Variants in ATP5PB observed in about 807,000 individuals in gnomAD.
ATP5PB encodes ATP synthase peripheral stalk subunit b, mitochondrial.
Under a neutral mutation model 34.5 loss-of-function variants are expected in ATP5PB, and 21 were observed. That is an observed-to-expected ratio of 0.61 (90% CI 0.43 to 0.88). The LOEUF (loss-of-function observed/expected upper bound fraction) is 0.88. Ranked by LOEUF, ATP5PB falls within the 40% of genes least tolerant of loss-of-function variation. The pLI, the probability that ATP5PB is intolerant of heterozygous loss-of-function variation, is 0.00. For synonymous variants in ATP5PB, 108 were observed against 114.1 expected (o/e 0.95, Z 0.34); for missense variants, 293 against 317.4 (o/e 0.92, Z 0.58).
chr1:111,460,949 C>T lies in ATP5PB; in HGVS notation c.726C>T (p.Asp242=). 1.9e-6 allele frequency: 3 copies of T among 1,613,188 alleles called. No individual in the cohort carries two copies. The East Asian group carries it at 6.7e-5, about 36-fold the overall frequency. Residue 242 remains aspartate, a synonymous_variant, in exon 7 of 7, where the codon GAC becomes GAT. Transcript: ENST00000369722. The part of the protein sequence containing the change: ...EKETIAKCIA[D]LKLLAKKAQA... ...AGACAATTGCCAAGTGCATTGCGGA[C>T]CTAAAGCTGCTGGCAAAGAAGGCTC...
At chr1:111,454,392 T>C (rs771621042) in intron 3 of ATP5PB, 36 bp downstream of exon 3, 2 of 1,553,948 alleles carry the variant, frequency 1.3e-6, no homozygotes, top group East Asian at 4.5e-5. Context: ...TAATATGTTT[T>C]GATGGCACCA....
Position 111,461,156 on chromosome 1 carries a change from C to T in ATP5PB, c.*162C>T, listed in dbSNP as rs138013503. ...TATAGTGAGAGAACGAAATCTCTATCGGCCAGTCAGATGTTTCTCATCCTT... is the reference window on the plus strand; with the variant it reads ...TATAGTGAGAGAACGAAATCTCTATTGGCCAGTCAGATGTTTCTCATCCTT... On this transcript the variant is annotated 3_prime_UTR_variant, in exon 7 of 7. Transcript: ENST00000369722. 709 of 593,918 alleles carry T rather than the reference C, an allele frequency of 1.2e-3. 5 individuals carry two copies. In the African/African-American group the frequency reaches 0.012, roughly 10 times the overall value. The allele number at this position is 593,918 out of a possible 1,614,324, so 36.8% of individuals were successfully genotyped here. A position where few individuals can be genotyped will look rare whatever the true frequency, so the allele number is the denominator to read the frequency against.
intron 5 of ATP5PB, 57 bp from the exon 6 acceptor site, chr1:111,459,400 T>G: frequency 2.0e-6 from 3 of 1,492,896 alleles, no homozygotes; most frequent in Non-Finnish European, 2.7e-6. Context: ...ATCTTCAGAG[T>G]AGAAGTATTC....
At chr1:111,457,336 C>T (rs1653504076) in intron 5 of ATP5PB, among the ~76,000 whole-genome samples, 1 of 152,002 alleles carries the variant, frequency 6.6e-6, no homozygotes. Context: ...CACACACACA[C>T]ACACAAACAA....
At chr1:111,452,451 T>C (rs1653359685) in intron 2 of ATP5PB, among the ~76,000 whole-genome samples, 4 of 152,064 alleles carry the variant, frequency 2.6e-5, no homozygotes, top group Admixed American at 2.6e-4. Flanking sequence ...TAATCCCAGC[T>C]ACTCAGCTAC....
At chr1:111,451,406 G>C (rs1343347) in intron 2 of ATP5PB, among the ~76,000 whole-genome samples, 58,690 of 151,914 alleles carry the variant, frequency 0.39, 12,652 homozygotes, top group African/African-American at 0.58. Flanking sequence ...CTCCCTATCC[G>C]CTTACCTTGC....
rs546195625 is a variant in ATP5PB at position 111,461,996 on chromosome 1, T to A, written c.*1002T>A. ...TGGAGAAGTTGGAACACTTGTGCAC[T>A]GTTCGTAGAAATATGAAATGGTACA... On this transcript the variant is annotated 3_prime_UTR_variant, in exon 7 of 7. Transcript: ENST00000369722. 1 of 151,996 alleles carries A rather than the reference T, an allele frequency of 6.6e-6. No individual in the cohort carries two copies. The highest frequency in any genetic ancestry group is 6.5e-5 in the Admixed American group (1 of 15,274). The allele number at this position is 151,996 out of a possible 1,614,324, so 9.4% of individuals were successfully genotyped here.
chr1:111,457,716 A>G (rs1367327532), intron 5 of ATP5PB, among the ~76,000 whole-genome samples: 1 of 152,128 alleles, frequency 6.6e-6, no homozygotes, highest in Non-Finnish European at 1.5e-5. Context: ...GTCCCTTTCC[A>G]AGACTTATGG....
chr1:111,456,116 T>A lies in ATP5PB; in HGVS notation c.254T>A (p.Leu85Ter). 1.2e-6 allele frequency: 2 copies of A among 1,610,268 alleles called. No individual in the cohort carries two copies. The highest frequency in any genetic ancestry group is 1.7e-6 in the Non-Finnish European group (2 of 1,178,544). Reference sequence around the variant, plus strand: ...TATGTACTCGGAACTGGGCTTATCTTGTACGCTTTATCCAAAGAAATATAT... The same window carrying A: ...TATGTACTCGGAACTGGGCTTATCTAGTACGCTTTATCCAAAGAAATATAT... ...GPYVLGTGLI[L>*]YALSKEIYVI... Residue 85 changes from leucine (L) to a stop codon, truncating the protein, a stop_gained, in exon 4 of 7, where the codon TTG (leucine) becomes TAG (stop). Transcript: ENST00000369722. LOFTEE classifies it high-confidence loss of function.
At chr1:111,457,890 A>G (rs1439260788) in intron 5 of ATP5PB, among the ~76,000 whole-genome samples, 1 of 152,254 alleles carries the variant, frequency 6.6e-6, no homozygotes, top group Non-Finnish European at 1.5e-5. Flanking sequence ...TAGTATATAC[A>G]CACACGTGAA....
chr1:111,450,033 C>T (rs1361768933), intron 2 of ATP5PB, among the ~76,000 whole-genome samples, 160 bp downstream of exon 2: 1 of 152,140 alleles, frequency 6.6e-6, no homozygotes, highest in East Asian at 1.9e-4. Context: ...CTGTAACTGC[C>T]AGGAACGCTC....
At chr1:111,460,232 C>T (rs558910810) in intron 6 of ATP5PB, among the ~76,000 whole-genome samples, 6 of 152,248 alleles carry the variant, frequency 3.9e-5, no homozygotes, top group African/African-American at 1.2e-4. Context: ...CATGACATTC[C>T]ATTTCTTCTT....
intron 2 of ATP5PB, 74 bp downstream of exon 2, chr1:111,449,947 C>T (rs1359682199): frequency 1.9e-6 from 3 of 1,589,804 alleles, no homozygotes; most frequent in African/African-American, 2.7e-5. Context: ...GCCCCCACCC[C>T]CTTAGCTTTA....
At chr1:111,451,321 C>G (rs1382402746) in intron 2 of ATP5PB, among the ~76,000 whole-genome samples, 1 of 152,188 alleles carries the variant, frequency 6.6e-6, no homozygotes, top group Admixed American at 6.5e-5. Flanking sequence ...TCTACTTGCT[C>G]TTCTCTCTTT....
At chr1:111,457,718 G>A (rs1382405526) in intron 5 of ATP5PB, among the ~76,000 whole-genome samples, 2 of 152,032 alleles carry the variant, frequency 1.3e-5, no homozygotes, top group African/African-American at 4.8e-5. Context: ...CCCTTTCCAA[G>A]ACTTATGGAA....
rs546400857 is a variant in ATP5PB, at chr1:111,460,342, A to AT, written c.694-565dup. Among the ~76,000 whole-genome samples the AT allele has an allele frequency of 4.9e-3, 657 of 134,006 alleles. 6 individuals carry two copies. Among genetic ancestry groups the AT allele is most frequent in the South Asian group, 9.0e-3 (39 of 4,330 alleles). 87.9% of individuals were successfully genotyped at this position (134,006 alleles called of 152,430 possible). ...TATATTTTTGCTTTAATATGACTTG[A>AT]TTTTTTTTTTCTTTCTCGAGTTTAT... On this transcript the variant is annotated intron_variant, in intron 6 of 6. Transcript: ENST00000369722.
chr1:111,453,614 C>A (rs2101756003), intron 2 of ATP5PB, among the ~76,000 whole-genome samples: 1 of 152,140 alleles, frequency 6.6e-6, no homozygotes, highest in East Asian at 1.9e-4. Context: ...AAGTCTGTTA[C>A]ATATAGTGTT....
intron 4 of ATP5PB, 26 bp from the exon 5 acceptor site, chr1:111,456,604 C>G (rs752579462): frequency 6.2e-7 from 1 of 1,604,606 alleles, no homozygotes; most frequent in Non-Finnish European, 8.5e-7. Flanking sequence ...TTTCACTGAT[C>G]TTTGTTGTTG....
intron 2 of ATP5PB, 50 bp from the exon 3 acceptor site, chr1:111,454,161 T>C (rs761054125): frequency 2.0e-6 from 3 of 1,501,590 alleles, no homozygotes. Context: ...TCATACACTG[T>C]ATTCTCCTTA....
Sources: gnomAD v4.1 joint callset for allele counts (sites outside exome capture counted in the v4.1 genomes callset) on GRCh38, gnomAD v4.1.1 for gene constraint, MANE v1.5 for transcripts, NCBI Gene and HGNC (gene_info 2026-07-23, HGNC 2026-07-21) for gene names.